Variants in PPM1E observed in about 807,000 individuals in gnomAD.
The protein encoded by PPM1E is protein phosphatase, Mg2+/Mn2+ dependent 1E.
In PPM1E, 20 loss-of-function variants were observed where a neutral mutation model predicts 65.9. That is an observed-to-expected ratio of 0.30 (90% CI 0.21 to 0.44). The LOEUF (loss-of-function observed/expected upper bound fraction) is 0.44. Ranked by LOEUF, PPM1E falls within the 20% of genes least tolerant of loss-of-function variation. The probability of loss-of-function intolerance (pLI) is 1.00; values close to 1 mark genes in which losing one functional copy is unlikely to be tolerated. For synonymous variants in PPM1E, 352 were observed against 374.9 expected, an observed-to-expected ratio of 0.94 and a Z score of 0.70; for missense variants, 713 against 953.1, an observed-to-expected ratio of 0.75 and a Z score of 3.32.
intron 1 of PPM1E, among the ~76,000 whole-genome samples, chr17:58,815,259 T>G (rs1397253675): frequency 6.6e-6 from 1 of 152,232 alleles, no homozygotes; most frequent in Non-Finnish European, 1.5e-5. Context: ...GCCATTGTGT[T>G]AGCAGTCTTA....
At chr17:58,865,412 T>A (rs2050990736) in intron 1 of PPM1E, among the ~76,000 whole-genome samples, 1 of 151,248 alleles carries the variant, frequency 6.6e-6, no homozygotes, top group Admixed American at 6.6e-5. Context: ...CAAAAAAGAT[T>A]ATGCAATCCT....
At chr17:58,941,430 C>T (rs936699280) in intron 1 of PPM1E, among the ~76,000 whole-genome samples, 2 of 152,098 alleles carry the variant, frequency 1.3e-5, no homozygotes, top group Admixed American at 6.5e-5. Flanking sequence ...TGCAGTGGCT[C>T]ACGCCTGTAA....
At position 58,974,351 on chromosome 17, in the gene PPM1E, C is replaced by T. The variant is rs142254572; in HGVS notation, c.1210+1426C>T. On this transcript the variant is annotated intron_variant, in intron 6 of 6. Coordinates refer to ENST00000308249, the MANE Select transcript of PPM1E (RefSeq NM_014906.5). ...AAAACTACTTTCTGTATGTGGAATA[C>T]AGTCACCTGTCAGATAACCCTGGAG... Among the ~76,000 whole-genome samples, 204 of 152,240 alleles carry T rather than the reference C, an allele frequency of 1.3e-3. 4 individuals carry two copies. In the East Asian group the frequency reaches 0.035, roughly 26 times the overall value.
chr17:58,950,928 G>A (rs1189128667), intron 1 of PPM1E, among the ~76,000 whole-genome samples: 3 of 151,718 alleles, frequency 2.0e-5, no homozygotes, highest in Non-Finnish European at 2.9e-5. Context: ...ACAGGCGCCC[G>A]CCACCATGCC....
intron 1 of PPM1E, chr17:58,897,771 C>G (rs901898824): frequency 8.5e-5 from 13 of 152,134 alleles, no homozygotes; most frequent in South Asian, 2.1e-4. Context: ...CTGTAACCCA[C>G]CACCGTGGCT....
At chr17:58,952,832 C>T (rs2052258609) in intron 1 of PPM1E, among the ~76,000 whole-genome samples, 2 of 152,138 alleles carry the variant, frequency 1.3e-5, no homozygotes, top group African/African-American at 2.4e-5. Context: ...CGCCACCACA[C>T]CCAGCTAATT....
chr17:58,909,682 G>C (rs1245071688), intron 1 of PPM1E, among the ~76,000 whole-genome samples: 1 of 152,022 alleles, frequency 6.6e-6, no homozygotes, highest in Non-Finnish European at 1.5e-5. Flanking sequence ...TCTTCTCTTT[G>C]CTCCTCTGTA....
chr17:58,799,697 G>A (rs1051393289), intron 1 of PPM1E, among the ~76,000 whole-genome samples: 1 of 152,194 alleles, frequency 6.6e-6, no homozygotes, highest in Non-Finnish European at 1.5e-5. Context: ...ACCCGCCTCA[G>A]CCTCCCAAAG....
intron 1 of PPM1E, among the ~76,000 whole-genome samples, chr17:58,832,704 A>T (rs2143183359): frequency 6.6e-6 from 1 of 152,340 alleles, no homozygotes; most frequent in South Asian, 2.1e-4. Flanking sequence ...GCTTCCCCCA[A>T]AGACATCTTA....
rs1382970658 is a variant in PPM1E at position 58,982,914 on chromosome 17, C to A, written c.*1883C>A. Reference sequence around the variant, plus strand: ...ATCAGGTGCAGTGTCAGTTTCAAATCAAATTATCTAAGAAAACAAGAAAAC... The same window carrying A: ...ATCAGGTGCAGTGTCAGTTTCAAATAAAATTATCTAAGAAAACAAGAAAAC... On this transcript the variant is annotated 3_prime_UTR_variant, in exon 7 of 7. Transcript: ENST00000308249. The A allele has an allele frequency of 1.3e-6, 2 of 1,575,984 alleles. No homozygotes were observed. The highest frequency in any genetic ancestry group is 1.7e-6 in the Non-Finnish European group (2 of 1,159,398).
chr17:58,909,918 CTTTT>C (rs1028608937), intron 1 of PPM1E, among the ~76,000 whole-genome samples: 2 of 100,130 alleles, frequency 2.0e-5, no homozygotes, highest in African/African-American at 7.5e-5. Context: ...TTTCTTTTTT[CTTTT>C]TCTTTTTTTT....
intron 1 of PPM1E, among the ~76,000 whole-genome samples, chr17:58,890,800 A>T (rs2051335562): frequency 6.6e-6 from 1 of 152,046 alleles, no homozygotes; most frequent in African/African-American, 2.4e-5. Context: ...ATTGAGTATG[A>T]TCTCATATCC....
chr17:58,876,300 A>T (rs2051126128), intron 1 of PPM1E, among the ~76,000 whole-genome samples: 1 of 152,126 alleles, frequency 6.6e-6, no homozygotes, highest in African/African-American at 2.4e-5. Flanking sequence ...TAACTTTTAA[A>T]TTGGAGTATT....
intron 5 of PPM1E, among the ~76,000 whole-genome samples, 191 bp from the exon 6 acceptor site, chr17:58,972,641 G>A (rs1378632851): frequency 2.6e-5 from 4 of 152,158 alleles, no homozygotes; most frequent in East Asian, 1.9e-4. Flanking sequence ...GTGAGCCACC[G>A]CGCCCGGCCA....
chr17:58,871,220 T>TGTAGAG (rs1240082909), intron 1 of PPM1E, among the ~76,000 whole-genome samples: 1 of 152,100 alleles, frequency 6.6e-6, no homozygotes, highest in Non-Finnish European at 1.5e-5. Context: ...ATATATTTTT[T>TGTAGAG]GTAGAGATGG....
intron 1 of PPM1E, 101 bp from the exon 2 acceptor site, chr17:58,955,547 GT>G: frequency 1.5e-6 from 2 of 1,295,406 alleles, no homozygotes; most frequent in African/African-American, 1.5e-5. Context: ...GTATAATTTT[GT>G]TTTGAGACAA....
rs1267416172 is a variant in PPM1E at position 58,980,242 on chromosome 17, A to C, written c.1479A>C (p.Lys493Asn). The C allele has an allele frequency of 1.9e-6, 3 of 1,614,108 alleles. No individual in the cohort carries two copies. Among genetic ancestry groups the C allele is most frequent in the Middle Eastern group, 1.6e-4 (1 of 6,084 alleles). The change falls in exon 7 of 7, where the codon AAA (lysine) becomes AAC (asparagine). Residue 493 changes from lysine (K) to asparagine (N), a missense_variant. Transcript: ENST00000308249. This position sits in a 1 kb window ranked among gnomAD's most constrained non-coding sequence, Gnocchi z 4.7. ...VIVVFLRDMN[K>N]AVNVSEESDW... Reference sequence around the variant, plus strand: ...TGGTATTCCTGAGGGACATGAACAAAGCTGTAAATGTTAGTGAGGAATCAG... The same window carrying C: ...TGGTATTCCTGAGGGACATGAACAACGCTGTAAATGTTAGTGAGGAATCAG...
intron 1 of PPM1E, among the ~76,000 whole-genome samples, chr17:58,797,236 A>T (rs1484870031): frequency 6.6e-6 from 1 of 152,240 alleles, no homozygotes; most frequent in East Asian, 1.9e-4. Context: ...AGTAAAATTT[A>T]TATACAATAC....
intron 1 of PPM1E, among the ~76,000 whole-genome samples, chr17:58,947,609 C>T (rs1408163979): frequency 6.7e-6 from 1 of 150,206 alleles, no homozygotes; most frequent in Admixed American, 6.7e-5. Flanking sequence ...TTCAAATACT[C>T]TCTACTATCT....
Sources: allele counts gnomAD v4.1 joint callset (sites outside exome capture counted in the v4.1 genomes callset), GRCh38; gene constraint gnomAD v4.1.1; non-coding constraint Gnocchi (gnomAD v3.1); transcripts MANE v1.5; gene names NCBI Gene and HGNC (gene_info 2026-07-23, HGNC 2026-07-21).